Variants in ABTB2 observed in about 807,000 individuals in gnomAD.
The protein encoded by ABTB2 is ankyrin repeat and BTB/POZ domain-containing protein 2.
Under a neutral mutation model 104.1 loss-of-function variants are expected in ABTB2, and 56 were observed. The observed-to-expected ratio is 0.54, with a 90% CI of 0.43 to 0.67. ABTB2 has a LOEUF of 0.67. Among genes scored for constraint, ABTB2 ranks in the 30% least tolerant of loss-of-function variants. ABTB2 has a pLI of 0.00. For synonymous variants in ABTB2, 606 were observed against 608.2 expected, an observed-to-expected ratio of 1.00 and a Z score of 0.05; for missense variants, 1,279 against 1,407.7, an observed-to-expected ratio of 0.91 and a Z score of 1.46.
rs141827568 is a variant in ABTB2 at position 34,335,084 on chromosome 11, A to T, written c.883+21617T>A. Reference sequence around the variant, plus strand: ...TAGATCAACCCAAATATTACATACAAATAATACAGCAAATGAATGGACATT... The same window carrying T: ...TAGATCAACCCAAATATTACATACATATAATACAGCAAATGAATGGACATT... On this transcript the variant is annotated intron_variant, in intron 1 of 16. Coordinates refer to ENST00000435224, the MANE Select transcript of ABTB2 (RefSeq NM_145804.3). The T allele has an allele frequency of 1.8e-4, 177 of 981,436 alleles. 1 individual carries two copies. The East Asian group carries it at 4.3e-3, about 24-fold the overall frequency. The allele number at this position is 981,436 out of a possible 1,614,324, so 60.8% of individuals were successfully genotyped here.
At chr11:34,229,262 C>T (rs1313496182) in intron 1 of ABTB2, among the ~76,000 whole-genome samples, 2 of 151,648 alleles carry the variant, frequency 1.3e-5, no homozygotes, top group Admixed American at 6.6e-5. Context: ...GTGGGCGGAT[C>T]ACAAAGTCAG....
intron 4 of ABTB2, 39 bp from the exon 5 acceptor site, chr11:34,171,110 C>G (rs765820711): frequency 6.3e-7 from 1 of 1,595,686 alleles, no homozygotes; most frequent in African/African-American, 1.3e-5. Context: ...TGACTGTATG[C>G]AGACAGCAAC....
At chr11:34,256,123 C>T (rs1363937728) in intron 1 of ABTB2, among the ~76,000 whole-genome samples, 1 of 147,292 alleles carries the variant, frequency 6.8e-6, no homozygotes, top group East Asian at 2.0e-4. Context: ...GTCTCAGCAA[C>T]TGTGTTGTCC....
chr11:34,323,906 CTTTTTTTT>C (rs56375939), intron 1 of ABTB2, among the ~76,000 whole-genome samples: 95 of 63,932 alleles, frequency 1.5e-3, no homozygotes, highest in African/African-American at 2.7e-3. Context: ...TAAATTCCCT[CTTTTTTTT>C]TTTTTTTTTT....
chr11:34,202,048 C>T (rs1270618578), intron 2 of ABTB2, among the ~76,000 whole-genome samples: 2 of 152,154 alleles, frequency 1.3e-5, no homozygotes. Context: ...AGGATACAGC[C>T]GTGGACAAAG....
chr11:34,280,899 TC>T (rs1854441520), intron 1 of ABTB2, among the ~76,000 whole-genome samples: 3 of 152,240 alleles, frequency 2.0e-5, no homozygotes, highest in African/African-American at 7.2e-5. Context: ...ATACTACTTT[TC>T]CTAAGATACA....
At chr11:34,198,424 T>C (rs56842608) in intron 2 of ABTB2, among the ~76,000 whole-genome samples, 5,149 of 149,406 alleles carry the variant, frequency 0.034, 293 homozygotes, top group African/African-American at 0.12. Context: ...AGTGAGACTT[T>C]GTCTCAAAAA....
chr11:34,286,991 T>A (rs1854513420), intron 1 of ABTB2, among the ~76,000 whole-genome samples: 1 of 151,928 alleles, frequency 6.6e-6, no homozygotes, highest in African/African-American at 2.4e-5. Context: ...TCTGGAGGGA[T>A]GGAACTGTTC....
intron 1 of ABTB2, among the ~76,000 whole-genome samples, chr11:34,223,101 GC>G (rs1001884363): frequency 3.3e-5 from 5 of 152,140 alleles, no homozygotes; most frequent in Non-Finnish European, 1.5e-5. Flanking sequence ...TCATTAAAAA[GC>G]CAGCTCCCTG....
chr11:34,198,433 AAAAC>A (rs1267424167), intron 2 of ABTB2, among the ~76,000 whole-genome samples: 10 of 136,926 alleles, frequency 7.3e-5, no homozygotes, highest in Middle Eastern at 3.3e-3. Flanking sequence ...TTGTCTCAAA[AAAAC>A]AAACAAACAA....
intron 1 of ABTB2, among the ~76,000 whole-genome samples, chr11:34,246,847 CTTTTTTTTT>C (rs199831054): frequency 8.5e-6 from 1 of 118,284 alleles, no homozygotes; most frequent in Non-Finnish European, 1.8e-5. Context: ...TTTCTTTTTT[CTTTTTTTTT>C]TTTTTTTTGA....
intron 1 of ABTB2, among the ~76,000 whole-genome samples, chr11:34,250,882 T>G (rs755728203): frequency 3.9e-5 from 6 of 152,234 alleles, no homozygotes; most frequent in Non-Finnish European, 7.3e-5. Context: ...GAAACCATCA[T>G]TGCCATTTTA....
rs79698710 is a variant in ABTB2 at position 34,311,495 on chromosome 11, G to A, written c.883+45206C>T. Among the ~76,000 whole-genome samples, 480 of 152,150 alleles carry A rather than the reference G, an allele frequency of 3.2e-3. 2 individuals carry two copies. Among genetic ancestry groups the A allele is most frequent in the African/African-American group, 9.8e-3 (407 of 41,486 alleles). ...AAAGGGTGCTTCAAACAAGTCCCTC[G>A]GCCACTCTCGGAACCAGATTAAGGC... On this transcript the variant is annotated intron_variant, in intron 1 of 16. Coordinates refer to ENST00000435224, the MANE Select transcript of ABTB2 (RefSeq NM_145804.3).
rs1456877001 is a variant in ABTB2, at chr11:34,195,083, GGGA to G, written c.1244+2239_1244+2241del. Among the ~76,000 whole-genome samples the G allele has an allele frequency of 9.5e-5, 9 of 94,346 alleles. No individual in the cohort carries two copies. In the East Asian group the frequency reaches 2.0e-3, roughly 21 times the overall value. 61.9% of individuals were successfully genotyped at this position (94,346 alleles called of 152,430 possible). A position where few individuals can be genotyped will look rare whatever the true frequency, so the allele number is the denominator to read the frequency against. The stretch of plus-strand genomic sequence containing the variant: ...ATGACAAAGATGCCCGGCGGGGGGG[GGGA>G]GTGGGGGCGGGAGAAAGTGCCAGCA... On this transcript the variant is annotated intron_variant, in intron 3 of 16. Transcript: ENST00000435224.
chr11:34,328,351 G>A (rs78647166), intron 1 of ABTB2, among the ~76,000 whole-genome samples: 248 of 152,306 alleles, frequency 1.6e-3, no homozygotes, highest in African/African-American at 4.4e-3. Context: ...AGTGAGGGAC[G>A]CAGGCTTTGC....
At chr11:34,341,027 T>C (rs1187871430) in intron 1 of ABTB2, among the ~76,000 whole-genome samples, 1 of 152,198 alleles carries the variant, frequency 6.6e-6, no homozygotes, top group African/African-American at 2.4e-5. Flanking sequence ...TTCCATCATC[T>C]TGAAATCAGC....
intron 1 of ABTB2, among the ~76,000 whole-genome samples, chr11:34,349,663 A>C (rs1444524498): frequency 6.6e-6 from 1 of 152,254 alleles, no homozygotes; most frequent in Non-Finnish European, 1.5e-5. Context: ...TACTATTTTC[A>C]GTCCTATCTT....
Position 34,154,475 on chromosome 11 carries a change from G to T in ABTB2, c.2767-97C>A. 1.1e-6 allele frequency: 1 copy of T among 947,398 alleles called. No homozygotes were observed. The highest frequency in any genetic ancestry group is 1.6e-6 in the Non-Finnish European group (1 of 612,598). 58.7% of individuals were successfully genotyped at this position (947,398 alleles called of 1,614,324 possible). Reference sequence around the variant, plus strand: ...GCTCCCGAGTGCCGTGTGCCCTGCTGCCTCCACCCTCAGGCCCCACTACCT... The same window carrying T: ...GCTCCCGAGTGCCGTGTGCCCTGCTTCCTCCACCCTCAGGCCCCACTACCT... On this transcript the variant is annotated intron_variant, in intron 15 of 16. Coordinates refer to ENST00000435224, the MANE Select transcript of ABTB2 (RefSeq NM_145804.3). The surrounding 1 kb of genome is among the most constrained non-coding windows in gnomAD (Gnocchi z 4.9).
chr11:34,229,156 TG>T (rs1853728416), intron 1 of ABTB2, among the ~76,000 whole-genome samples: 1 of 140,350 alleles, frequency 7.1e-6, no homozygotes, highest in African/African-American at 2.6e-5. Flanking sequence ...AAAAAGAAAG[TG>T]GTATCTCATT....
Sources: allele counts gnomAD v4.1 joint callset (sites outside exome capture counted in the v4.1 genomes callset), GRCh38; gene constraint gnomAD v4.1.1; non-coding constraint Gnocchi (gnomAD v3.1); transcripts MANE v1.5; gene names NCBI Gene and HGNC (gene_info 2026-07-23, HGNC 2026-07-21).